The following NKD1 variants were observed in gnomAD, a reference collection of about 807,000 sequenced individuals.
NKD1 encodes NKD inhibitor of Wnt signaling pathway 1.
In NKD1, 21 loss-of-function variants were observed where a neutral mutation model predicts 56.0. That is an observed-to-expected ratio of 0.38 (90% CI 0.27 to 0.54). The LOEUF (loss-of-function observed/expected upper bound fraction) is 0.54, where lower values mean the gene tolerates loss of function less well. Among genes scored for constraint, NKD1 ranks in the 20% least tolerant of loss-of-function variants. NKD1 has a pLI of 0.82. For synonymous variants in NKD1, 263 were observed against 265.7 expected, an observed-to-expected ratio of 0.99 and a Z score of 0.10; for missense variants, 578 against 642.7, an observed-to-expected ratio of 0.90 and a Z score of 1.09.
chr16:50,561,149 G>A (rs1960623235), intron 3 of NKD1, among the ~76,000 whole-genome samples: 1 of 152,162 alleles, frequency 6.6e-6, no homozygotes, highest in Admixed American at 6.5e-5. Flanking sequence ...AAGAGGATGA[G>A]CAGTCCCATG....
Position 50,637,686 on chromosome 16 carries a change from G to T in NKD1, c.*3905G>T, listed in dbSNP as rs1475751973. 1 of 152,246 alleles carries T rather than the reference G, an allele frequency of 6.6e-6. No individual in the cohort carries two copies. The highest frequency in any genetic ancestry group is 2.4e-5 in the African/African-American group (1 of 41,444). The allele number at this position is 152,246 out of a possible 1,614,324, so 9.4% of individuals were successfully genotyped here. A position where few individuals can be genotyped will look rare whatever the true frequency, so the allele number is the denominator to read the frequency against. ...ATTAGAAGGGGAAACCATGATTGCT[G>T]GTGAGGTTTTGAGCACATTTTCCTG... On this transcript the variant is annotated 3_prime_UTR_variant, in exon 10 of 10. Coordinates refer to ENST00000268459, the MANE Select transcript of NKD1 (RefSeq NM_033119.5).
intron 3 of NKD1, chr16:50,607,367 G>C (rs967991792): frequency 1.2e-5 from 2 of 167,442 alleles, no homozygotes; most frequent in East Asian, 3.2e-4. Context: ...CCCCTAAGGA[G>C]AGGGTTGGGT....
chr16:50,607,257 G>T, intron 3 of NKD1: 1 of 332,764 alleles, frequency 3.0e-6, no homozygotes, highest in South Asian at 2.5e-5. Context: ...GCTGTGTCCA[G>T]TTGATGAGAT....
At chr16:50,622,923 G>C (rs372637382) in intron 5 of NKD1, among the ~76,000 whole-genome samples, 26 of 152,220 alleles carry the variant, frequency 1.7e-4, no homozygotes, top group African/African-American at 6.0e-4. Flanking sequence ...CGAGGGGTGT[G>C]GGGTAACGGA....
intron 3 of NKD1, among the ~76,000 whole-genome samples, chr16:50,585,056 G>A (rs537057176): frequency 6.6e-6 from 1 of 152,344 alleles, no homozygotes; most frequent in South Asian, 2.1e-4. Flanking sequence ...TTTGGGGTAT[G>A]CTGCTTTGGA....
intron 4 of NKD1, chr16:50,616,008 C>T (rs1387237068): frequency 4.5e-6 from 2 of 448,498 alleles, no homozygotes; most frequent in Admixed American, 2.4e-5. Flanking sequence ...TTATATTTGG[C>T]AGAGGCTAAT....
rs1962634236 is a variant in NKD1 at position 50,644,217 on chromosome 16, T to C, written c.*10436T>C. On this transcript the variant is annotated 3_prime_UTR_variant, in exon 10 of 10. Transcript: ENST00000268459. ...TCGTAAATACAGAATCCACGGAGGG[T>C]GAGGATCCACCGTATGTACTTATCT... 6.6e-6 allele frequency: 1 copy of C among 152,196 alleles called. No individual in the cohort carries two copies. The highest frequency in any genetic ancestry group is 1.5e-5 in the Non-Finnish European group (1 of 68,024). The allele number at this position is 152,196 out of a possible 1,614,324, so 9.4% of individuals were successfully genotyped here.
rs147005656 is a variant in NKD1 at position 50,606,699 on chromosome 16, C to T, written c.193-1595C>T. The T allele has an allele frequency of 5.2e-3, 2,273 of 434,134 alleles. 51 individuals carry two copies. The highest frequency in any genetic ancestry group is 0.041 in the African/African-American group (2,038 of 49,646). 26.9% of individuals were successfully genotyped at this position (434,134 alleles called of 1,614,324 possible). On this transcript the variant is annotated intron_variant, in intron 3 of 9. Coordinates refer to ENST00000268459, the MANE Select transcript of NKD1 (RefSeq NM_033119.5). ...CTCAGACGTCTCATTGATGCTGTCA[C>T]CCGGCTGCAGTGCAGTCAGGGTGGC...
intron 3 of NKD1, among the ~76,000 whole-genome samples, chr16:50,586,759 TC>T (rs1234259956): frequency 3.9e-5 from 6 of 152,214 alleles, no homozygotes; most frequent in East Asian, 1.9e-4. Context: ...ACAGAAGGCC[TC>T]CCAGCATCTG....
In NKD1 at chr16:50,640,969, G is replaced by A. The variant is rs929310216; in HGVS notation, c.*7188G>A. On this transcript the variant is annotated 3_prime_UTR_variant, in exon 10 of 10. Coordinates refer to ENST00000268459, the MANE Select transcript of NKD1 (RefSeq NM_033119.5). Reference sequence around the variant, plus strand: ...GAATTTTTCTTCCCATTTTAGAGACGGGAGACCTGAGACTCCAGGTGGGGG... The same window carrying A: ...GAATTTTTCTTCCCATTTTAGAGACAGGAGACCTGAGACTCCAGGTGGGGG... 1 of 152,162 alleles carries A rather than the reference G, an allele frequency of 6.6e-6. No individual in the cohort carries two copies. Among genetic ancestry groups the A allele is most frequent in the Admixed American group, 6.5e-5 (1 of 15,278 alleles). The allele number at this position is 152,162 out of a possible 1,614,324, so 9.4% of individuals were successfully genotyped here.
intron 3 of NKD1, among the ~76,000 whole-genome samples, chr16:50,571,316 G>A (rs936375576): frequency 6.6e-6 from 1 of 152,176 alleles, no homozygotes; most frequent in Non-Finnish European, 1.5e-5. Flanking sequence ...TCCGGAGAGG[G>A]GAAGGTCAGC....
intron 6 of NKD1, among the ~76,000 whole-genome samples, chr16:50,629,315 G>C (rs575653812): frequency 5.9e-5 from 9 of 152,040 alleles, no homozygotes; most frequent in Non-Finnish European, 1.0e-4. Context: ...TCATGACCTC[G>C]TTTAACCTTA....
At chr16:50,579,818 G>A (rs933885407) in intron 3 of NKD1, among the ~76,000 whole-genome samples, 65 of 152,210 alleles carry the variant, frequency 4.3e-4, no homozygotes, top group Admixed American at 2.7e-3. Context: ...TACTCCTGTG[G>A]GCTGCCTGCT....
At chr16:50,621,819 G>T (rs1306716146) in intron 5 of NKD1, 111 bp downstream of exon 5, 9 of 748,584 alleles carry the variant, frequency 1.2e-5, no homozygotes, top group Non-Finnish European at 1.8e-5. Context: ...CCCCTCCCCT[G>T]CATGAACAGC....
chr16:50,626,654 C>CA (rs1184616814), intron 6 of NKD1, among the ~76,000 whole-genome samples: 13 of 152,204 alleles, frequency 8.5e-5, no homozygotes, highest in African/African-American at 3.1e-4. Flanking sequence ...CCCTGGCAGG[C>CA]AACCTGGATT....
At chr16:50,608,210 A>T in intron 3 of NKD1, 84 bp from the exon 4 acceptor site, 1 of 914,136 alleles carries the variant, frequency 1.1e-6, no homozygotes, top group Non-Finnish European at 1.8e-6. Context: ...GAATCAGCCC[A>T]GGGTCCTCAT....
At chr16:50,560,610 C>T (rs1481990935) in intron 3 of NKD1, among the ~76,000 whole-genome samples, 2 of 149,572 alleles carry the variant, frequency 1.3e-5, no homozygotes, top group African/African-American at 4.9e-5. Flanking sequence ...TTAGAGCCAT[C>T]TTAAATCAGT....
chr16:50,615,954 A>G (rs1447904909), intron 4 of NKD1: 17 of 433,192 alleles, frequency 3.9e-5, no homozygotes, highest in South Asian at 2.4e-4. Context: ...GAATGCACAT[A>G]TGATATCTTT....
intron 3 of NKD1, among the ~76,000 whole-genome samples, chr16:50,581,628 G>T (rs1234539684): frequency 6.6e-6 from 1 of 152,238 alleles, no homozygotes; most frequent in Non-Finnish European, 1.5e-5. Flanking sequence ...TTACTCAGAG[G>T]CACCTCGGAT....
Sources: gnomAD v4.1 joint callset for allele counts (sites outside exome capture counted in the v4.1 genomes callset) on GRCh38, gnomAD v4.1.1 for gene constraint, MANE v1.5 for transcripts, NCBI Gene and HGNC (gene_info 2026-07-23, HGNC 2026-07-21) for gene names.